Variants in PCDHB9 observed in about 807,000 individuals in gnomAD.
PCDHB9 encodes protocadherin beta-9.
For missense variants in PCDHB9, 1,072 were observed against 995.1 expected (o/e 1.08, Z -1.04); for synonymous variants, 501 against 439.7 (o/e 1.14, Z -1.75).
In PCDHB9 at chr5:141,187,617, A is replaced by G. The variant is rs187473539; in HGVS notation, c.299A>G (p.Glu100Gly). Residue 100 changes from glutamate to glycine, a missense_variant, in exon 1 of 1, where the codon GAG (glutamate) becomes GGG (glycine). Transcript: ENST00000316105. The stretch of plus-strand genomic sequence containing the variant: ...CGAGAGAAGCTGTGTGGCCCTAAAG[A>G]GCCCTGTATGCTGTATTTCCAAATT... ...LDREKLCGPKEPCMLYFQILM... is the reference protein window; with the variant it reads ...LDREKLCGPKGPCMLYFQILM... 3,857 of 1,613,202 alleles carry G rather than the reference A, an allele frequency of 2.4e-3. 15 individuals carry two copies. Among genetic ancestry groups the G allele is most frequent in the Admixed American group, 6.3e-3 (377 of 59,954 alleles).
chr5:141,188,190 C>A lies in PCDHB9; in HGVS notation c.872C>A (p.Thr291Lys), dbSNP rs547608474. 3 of 1,611,216 alleles carry A rather than the reference C, an allele frequency of 1.9e-6. No homozygotes were observed. Among genetic ancestry groups the A allele is most frequent in the African/African-American group, 2.7e-5 (2 of 74,966 alleles). The change falls in exon 1 of 1, where the codon ACG becomes AAG. Residue 291 changes from threonine to lysine, a missense_variant. Transcript: ENST00000316105. The stretch of plus-strand genomic sequence containing the variant: ...GATGCTTCTGAAGATATTTTAACAA[C>A]GTTTCAAATCAATCCTTTTTCTGGG... ...FFDASEDILT[T>K]FQINPFSGEI...
rs782628377 is a variant in PCDHB9 at position 141,189,215 on chromosome 5, C to G, written c.1897C>G (p.Arg633Gly). 25 of 1,604,996 alleles carry G rather than the reference C, an allele frequency of 1.6e-5. No individual in the cohort carries two copies. The highest frequency in any genetic ancestry group is 2.7e-5 in the African/African-American group (2 of 74,790). The change falls in exon 1 of 1, where the codon CGC becomes GGC. Residue 633 changes from arginine (R) to glycine (G), a missense_variant. Coordinates refer to ENST00000316105, the MANE Select transcript of PCDHB9 (RefSeq NM_019119.5). ...EVRTARLLSERDAAKHRLVVL... is the reference protein window; with the variant it reads ...EVRTARLLSEGDAAKHRLVVL... ...GCGCACCGCCAGGCTGCTGAGCGAG[C>G]GCGACGCGGCCAAGCACAGGCTGGT... is the stretch of plus-strand genomic sequence containing the variant.
Position 141,188,768 on chromosome 5 carries a change from G to T in PCDHB9, c.1450G>T (p.Ala484Ser). ...SATDRDSGTNAQVTYSLLPPQ... is the reference protein window; with the variant it reads ...SATDRDSGTNSQVTYSLLPPQ... ...CACAGACAGAGACTCAGGCACCAAC[G>T]CCCAGGTCACCTACTCGCTGCTGCC... The change falls in exon 1 of 1, where the codon GCC becomes TCC. Residue 484 changes from alanine to serine, a missense_variant. Ala to Ser is a moderately conservative substitution (Grantham distance 99). Transcript: ENST00000316105. 1 of 1,612,966 alleles carries T rather than the reference G, an allele frequency of 6.2e-7. No homozygotes were observed. Among genetic ancestry groups the T allele is most frequent in the South Asian group, 1.1e-5 (1 of 91,022 alleles).
rs1753900669 is a variant in PCDHB9 at position 141,191,383 on chromosome 5, C to T, written c.*1671C>T. ...AGGTGTTAGTGTGGTCTGTTCTTTACCTCCCTTTATTTGGTGCAGAGAAGT... is the reference window on the plus strand; with the variant it reads ...AGGTGTTAGTGTGGTCTGTTCTTTATCTCCCTTTATTTGGTGCAGAGAAGT... On this transcript the variant is annotated 3_prime_UTR_variant, in exon 1 of 1. Coordinates refer to ENST00000316105, the MANE Select transcript of PCDHB9 (RefSeq NM_019119.5). 1 of 152,138 alleles carries T rather than the reference C, an allele frequency of 6.6e-6. No homozygotes were observed. Among genetic ancestry groups the T allele is most frequent in the Non-Finnish European group, 1.5e-5 (1 of 68,028 alleles). The allele number at this position is 152,138 out of a possible 1,614,324, so 9.4% of individuals were successfully genotyped here.
rs1753852592 is a variant in PCDHB9 at position 141,189,685 on chromosome 5, C to G, written c.2367C>G (p.Leu789=). 1.3e-6 allele frequency: 2 copies of G among 1,597,800 alleles called. No homozygotes were observed. The highest frequency in any genetic ancestry group is 2.7e-5 in the African/African-American group (2 of 73,936). The part of the protein sequence containing the change: ...GGKEIEENST[L]PNSFGFNY ...AAGAAATAGAGGAAAATTCTACTCTCCCCAATAGCTTTGGATTTAATTATT... is the reference window on the plus strand; with the variant it reads ...AAGAAATAGAGGAAAATTCTACTCTGCCCAATAGCTTTGGATTTAATTATT... The change falls in exon 1 of 1, where the codon CTC becomes CTG. Residue 789 remains leucine (L), a synonymous_variant. Transcript: ENST00000316105.
chr5:141,191,267 T>C lies in PCDHB9; in HGVS notation c.*1555T>C, dbSNP rs1473115575. On this transcript the variant is annotated 3_prime_UTR_variant, in exon 1 of 1. Coordinates refer to ENST00000316105, the MANE Select transcript of PCDHB9 (RefSeq NM_019119.5). Reference sequence around the variant, plus strand: ...AAAACTCCATCAAAATAAAATAAAATAAAATATAAAATAACTTAAAAAGAA... The same window carrying C: ...AAAACTCCATCAAAATAAAATAAAACAAAATATAAAATAACTTAAAAAGAA... 6.6e-6 allele frequency: 1 copy of C among 151,782 alleles called. No individual in the cohort carries two copies. Among genetic ancestry groups the C allele is most frequent in the Non-Finnish European group, 1.5e-5 (1 of 67,962 alleles). 9.4% of individuals were successfully genotyped at this position (151,782 alleles called of 1,614,324 possible).
chr5:141,189,808 G>A lies in PCDHB9; in HGVS notation c.*96G>A, dbSNP rs1753856122. 1 of 1,142,918 alleles carries A rather than the reference G, an allele frequency of 8.7e-7. No individual in the cohort carries two copies. The highest frequency in any genetic ancestry group is 1.2e-6 in the Non-Finnish European group (1 of 814,890). 70.8% of individuals were successfully genotyped at this position (1,142,918 alleles called of 1,614,324 possible). ...CACCACAAAGAAGGTACTATTTTTT[G>A]TTTGATTCATCTTCAACTTTGCGTA... On this transcript the variant is annotated 3_prime_UTR_variant, in exon 1 of 1. Coordinates refer to ENST00000316105, the MANE Select transcript of PCDHB9 (RefSeq NM_019119.5).
Position 141,188,510 on chromosome 5 carries a change from G to A in PCDHB9, c.1192G>A (p.Asp398Asn). The part of the protein sequence containing the change: ...NLPFFLKPSV[D>N]NFYILMTEGA... ...GCCTTTTTTTCTGAAACCGTCTGTT[G>A]ACAATTTTTACATCCTAATGACTGA... The change falls in exon 1 of 1, where the codon GAC (aspartate) becomes AAC (asparagine). Residue 398 changes from aspartate (D) to asparagine (N), a missense_variant. Coordinates refer to ENST00000316105, the MANE Select transcript of PCDHB9 (RefSeq NM_019119.5). 1 of 1,614,144 alleles carries A rather than the reference G, an allele frequency of 6.2e-7. No homozygotes were observed. The highest frequency in any genetic ancestry group is 1.1e-5 in the South Asian group (1 of 91,084).
chr5:141,187,395 C>A lies in PCDHB9; in HGVS notation c.77C>A (p.Ala26Glu), dbSNP rs782422350. The change falls in exon 1 of 1, where the codon GCA becomes GAA. Residue 26 changes from alanine (A) to glutamate (E), a missense_variant. By Grantham distance (107) the Ala-to-Glu change is moderately radical. Coordinates refer to ENST00000316105, the MANE Select transcript of PCDHB9 (RefSeq NM_019119.5). ...FLFLFWGVSLAGSGFGRYSVT... is the reference protein window; with the variant it reads ...FLFLFWGVSLEGSGFGRYSVT... ...TTTCTTTTCTGGGGAGTGTCCTTGG[C>A]AGGTTCTGGGTTTGGACGTTATTCG... 1.9e-6 allele frequency: 3 copies of A among 1,613,928 alleles called. No homozygotes were observed. The highest frequency in any genetic ancestry group is 3.3e-5 in the Admixed American group (2 of 59,984).
rs1753798133 is a variant in PCDHB9 at position 141,188,470 on chromosome 5, T to C, written c.1152T>C (p.Tyr384=). 2 of 1,614,190 alleles carry C rather than the reference T, an allele frequency of 1.2e-6. No individual in the cohort carries two copies. The highest frequency in any genetic ancestry group is 2.2e-5 in the East Asian group (1 of 44,880). ...DSGENGKTIC[Y]VQDNLPFFLK... Reference sequence around the variant, plus strand: ...GAGAAAATGGAAAGACAATTTGCTATGTTCAAGATAATCTGCCTTTTTTTC... The same window carrying C: ...GAGAAAATGGAAAGACAATTTGCTACGTTCAAGATAATCTGCCTTTTTTTC... The change falls in exon 1 of 1, where the codon TAT becomes TAC. Residue 384 remains tyrosine (Y), a synonymous_variant. Coordinates refer to ENST00000316105, the MANE Select transcript of PCDHB9 (RefSeq NM_019119.5).
At position 141,187,175 on chromosome 5, in the gene PCDHB9, G is replaced by C; in HGVS notation, c.-144G>C. 2 of 1,162,466 alleles carry C rather than the reference G, an allele frequency of 1.7e-6. No homozygotes were observed. The highest frequency in any genetic ancestry group is 1.2e-6 in the Non-Finnish European group (1 of 833,096). The allele number at this position is 1,162,466 out of a possible 1,614,324, so 72.0% of individuals were successfully genotyped here. A position where few individuals can be genotyped will look rare whatever the true frequency, so the allele number is the denominator to read the frequency against. On this transcript the variant is annotated 5_prime_UTR_variant, in exon 1 of 1. Coordinates refer to ENST00000316105, the MANE Select transcript of PCDHB9 (RefSeq NM_019119.5). Reference sequence around the variant, plus strand: ...AAAAAGGAAACACTGAGACAGATGGGCTGAGAAGAAGAGCTGTCGAGTCCC... The same window carrying C: ...AAAAAGGAAACACTGAGACAGATGGCCTGAGAAGAAGAGCTGTCGAGTCCC...
At position 141,188,610 on chromosome 5, in the gene PCDHB9, T is replaced by C. The variant is rs1273662218; in HGVS notation, c.1292T>C (p.Leu431Pro). 1.2e-6 allele frequency: 2 copies of C among 1,614,186 alleles called. No homozygotes were observed. Residue 431 changes from leucine (L) to proline (P), a missense_variant, in exon 1 of 1, where the codon CTG becomes CCG. Coordinates refer to ENST00000316105, the MANE Select transcript of PCDHB9 (RefSeq NM_019119.5). ...ITVTDLGTPRLKTEHSITLQV... is the reference protein window; with the variant it reads ...ITVTDLGTPRPKTEHSITLQV... ...GTCACTGACTTGGGGACACCCAGGCTGAAAACCGAGCACAGCATAACCCTG... is the reference window on the plus strand; with the variant it reads ...GTCACTGACTTGGGGACACCCAGGCCGAAAACCGAGCACAGCATAACCCTG...
chr5:141,189,842 A>T lies in PCDHB9; in HGVS notation c.*130A>T. On this transcript the variant is annotated 3_prime_UTR_variant, in exon 1 of 1. Transcript: ENST00000316105. The stretch of plus-strand genomic sequence containing the variant: ...ATCTTCAACTTTGCGTATTATGCTT[A>T]ACTTCACAAGTTAACTTTTTCTTAT... 1 of 736,856 alleles carries T rather than the reference A, an allele frequency of 1.4e-6. No homozygotes were observed. The highest frequency in any genetic ancestry group is 2.5e-5 in the South Asian group (1 of 39,816). The allele number at this position is 736,856 out of a possible 1,614,324, so 45.6% of individuals were successfully genotyped here. A position where few individuals can be genotyped will look rare whatever the true frequency, so the allele number is the denominator to read the frequency against.
At position 141,189,705 on chromosome 5, in the gene PCDHB9, AT is replaced by A; in HGVS notation, c.2389del (p.Tyr797IlefsTer21). ...ACTCTCCCCAATAGCTTTGGATTTAATTATTGAAAGGAACCCACTTAATAAA... is the reference window on the plus strand; with the variant it reads ...ACTCTCCCCAATAGCTTTGGATTTAATATTGAAAGGAACCCACTTAATAAA... ...NSTLPNSFGF[N>X]Y is the part of the protein sequence containing the mutation. On this transcript the variant is annotated frameshift_variant, in exon 1 of 1. Coordinates refer to ENST00000316105, the MANE Select transcript of PCDHB9 (RefSeq NM_019119.5). LOFTEE classifies it high-confidence loss of function. 6.3e-7 allele frequency: 1 copy of A among 1,577,334 alleles called. No individual in the cohort carries two copies.
rs1188049969 is a variant in PCDHB9, at chr5:141,188,793, C to T, written c.1475C>T (p.Pro492Leu). The T allele has an allele frequency of 2.5e-6, 4 of 1,612,906 alleles. No homozygotes were observed. The highest frequency in any genetic ancestry group is 2.5e-6 in the Non-Finnish European group (3 of 1,180,024). ...TNAQVTYSLL[P>L]PQDPHLPLAS... Reference sequence around the variant, plus strand: ...GCCCAGGTCACCTACTCGCTGCTGCCGCCCCAGGACCCACACCTGCCCCTC... The same window carrying T: ...GCCCAGGTCACCTACTCGCTGCTGCTGCCCCAGGACCCACACCTGCCCCTC... Residue 492 changes from proline (P) to leucine (L), a missense_variant, in exon 1 of 1, where the codon CCG becomes CTG. By Grantham distance (98) the Pro-to-Leu change is moderately conservative. Coordinates refer to ENST00000316105, the MANE Select transcript of PCDHB9 (RefSeq NM_019119.5).
Position 141,188,850 on chromosome 5 carries a change from G to C in PCDHB9, c.1532G>C (p.Gly511Ala). Residue 511 changes from glycine to alanine, a missense_variant, in exon 1 of 1, where the codon GGC (glycine) becomes GCC (alanine). Transcript: ENST00000316105. ...CTGGTCTCCATCAACGCGGACAATGGCCACCTGTTTGCCCTCAGGTCGCTG... is the reference window on the plus strand; with the variant it reads ...CTGGTCTCCATCAACGCGGACAATGCCCACCTGTTTGCCCTCAGGTCGCTG... The part of the protein sequence containing the change: ...ASLVSINADN[G>A]HLFALRSLDY... The C allele has an allele frequency of 6.2e-7, 1 of 1,612,884 alleles. No individual in the cohort carries two copies. The highest frequency in any genetic ancestry group is 2.0e-4 in the Middle Eastern group (1 of 5,040).
Position 141,187,701 on chromosome 5 carries a change from A to G in PCDHB9, c.383A>G (p.Asp128Gly), listed in dbSNP as rs373229884. The G allele has an allele frequency of 6.2e-7, 1 of 1,614,024 alleles. No individual in the cohort carries two copies. The highest frequency in any genetic ancestry group is 1.3e-5 in the African/African-American group (1 of 74,936). ...RAELRVRDIN[D>G]HSPVFRHKEM... is the part of the protein sequence containing the mutation. Reference sequence around the variant, plus strand: ...GAGCTGAGAGTCAGGGATATAAATGATCACTCGCCAGTGTTTCGGCACAAA... The same window carrying G: ...GAGCTGAGAGTCAGGGATATAAATGGTCACTCGCCAGTGTTTCGGCACAAA... Residue 128 changes from aspartate (D) to glycine (G), a missense_variant, in exon 1 of 1, where the codon GAT (aspartate) becomes GGT (glycine). By Grantham distance (94) the Asp-to-Gly change is moderately conservative (BLOSUM62 -1). Coordinates refer to ENST00000316105, the MANE Select transcript of PCDHB9 (RefSeq NM_019119.5).
In PCDHB9 at chr5:141,188,533, T is replaced by C; in HGVS notation, c.1215T>C (p.Thr405=). The C allele has an allele frequency of 6.2e-7, 1 of 1,614,202 alleles. No individual in the cohort carries two copies. Among genetic ancestry groups the C allele is most frequent in the Non-Finnish European group, 8.5e-7 (1 of 1,180,034 alleles). ...TTGACAATTTTTACATCCTAATGACTGAAGGTGCACTGGACAGAGAGAGCA... is the reference window on the plus strand; with the variant it reads ...TTGACAATTTTTACATCCTAATGACCGAAGGTGCACTGGACAGAGAGAGCA... ...PSVDNFYILM[T]EGALDRESKA... The change falls in exon 1 of 1, where the codon ACT becomes ACC. Residue 405 remains threonine (T), a synonymous_variant. Transcript: ENST00000316105.
chr5:141,187,811 A>T lies in PCDHB9; in HGVS notation c.493A>T (p.Asn165Tyr), dbSNP rs1182017353. The change falls in exon 1 of 1, where the codon AAC (asparagine) becomes TAC (tyrosine). Residue 165 changes from asparagine to tyrosine, a missense_variant. Physicochemically the swap from Asn to Tyr is moderately radical, Grantham distance 143. Coordinates refer to ENST00000316105, the MANE Select transcript of PCDHB9 (RefSeq NM_019119.5). ...AGCACAGGATCCAGATGAAGGTCAT[A>T]ACAGTATCCAAAACTACACGATCAG... is the stretch of plus-strand genomic sequence containing the variant. ...ERAQDPDEGH[N>Y]SIQNYTISSN... 3 of 1,614,204 alleles carry T rather than the reference A, an allele frequency of 1.9e-6. No homozygotes were observed. In the African/African-American group the frequency reaches 4.0e-5, roughly 22 times the overall value.
Sources: allele counts gnomAD v4.1 joint callset, GRCh38; gene constraint gnomAD v4.1.1; transcripts MANE v1.5; gene names NCBI Gene and HGNC (gene_info 2026-07-23, HGNC 2026-07-21).